Variants in SLC24A2 observed in about 807,000 individuals in gnomAD.
SLC24A2 encodes the protein sodium/potassium/calcium exchanger 2.
SLC24A2 carries 36 observed loss-of-function variants against 62.0 expected under a neutral mutation model. The observed-to-expected ratio is 0.58, with a 90% CI of 0.44 to 0.77. The LOEUF is 0.77. Ranked by LOEUF, SLC24A2 falls within the 30% of genes least tolerant of loss-of-function variation. The pLI is 0.00. For synonymous variants in SLC24A2, 358 were observed against 294.0 expected (o/e 1.22, Z -2.23); for missense variants, 846 against 817.9 (o/e 1.03, Z -0.42).
chr9:19,944,441 T>TA, the SLC24A2 span, among the ~76,000 whole-genome samples: 4,366 of 78,470 alleles, frequency 0.056, 99 homozygotes, highest in African/African-American at 0.085. Context: ...AAAGTAGTAG[T>TA]AAAAAAAAAA....
intron 7 of SLC24A2, among the ~76,000 whole-genome samples, chr9:19,551,640 C>A (rs1022218571): frequency 2.0e-5 from 3 of 152,190 alleles, no homozygotes; most frequent in African/African-American, 4.8e-5. Flanking sequence ...GGGGCTCTTG[C>A]TTCCAGCACC....
chr9:20,059,986 T>TA, the SLC24A2 span, among the ~76,000 whole-genome samples: 1 of 151,998 alleles, frequency 6.6e-6, no homozygotes, highest in African/African-American at 2.4e-5. Context: ...TTACTGACCT[T>TA]ACAGAAATAA....
chr9:19,737,606 T>C (rs1044352386), intron 2 of SLC24A2, among the ~76,000 whole-genome samples: 1 of 152,060 alleles, frequency 6.6e-6, no homozygotes, highest in South Asian at 2.1e-4. Context: ...TCAAGGTGTA[T>C]ACATTTTGAT....
intron 7 of SLC24A2, among the ~76,000 whole-genome samples, chr9:19,551,064 G>A (rs1011053000): frequency 3.6e-4 from 55 of 152,094 alleles, no homozygotes; most frequent in African/African-American, 1.3e-3. Flanking sequence ...GGAACATTAG[G>A]ACTGATTTCT....
chr9:19,975,751 T>C, the SLC24A2 span, among the ~76,000 whole-genome samples: 4 of 152,192 alleles, frequency 2.6e-5, no homozygotes, highest in African/African-American at 9.6e-5. Context: ...TTTTTCCATG[T>C]TCTGCTTTTG....
At chr9:20,102,724 G>A in the SLC24A2 span, among the ~76,000 whole-genome samples, 2 of 151,128 alleles carry the variant, frequency 1.3e-5, 1 homozygote, top group Non-Finnish European at 3.0e-5. Flanking sequence ...CAGCCAAGAT[G>A]GCCGAATAGG....
intron 2 of SLC24A2, among the ~76,000 whole-genome samples, chr9:19,756,132 C>A (rs867961559): frequency 2.1e-4 from 32 of 152,170 alleles, no homozygotes; most frequent in African/African-American, 7.0e-4. Flanking sequence ...CAATAACCTT[C>A]AAATTTGAGC....
At chr9:19,889,135 T>C in the SLC24A2 span, among the ~76,000 whole-genome samples, 1 of 152,190 alleles carries the variant, frequency 6.6e-6, no homozygotes, top group African/African-American at 2.4e-5. Flanking sequence ...CTGCTGCTTC[T>C]CTTCTACCAC....
chr9:19,562,125 T>G (rs1471931468), intron 7 of SLC24A2, among the ~76,000 whole-genome samples: 1 of 152,214 alleles, frequency 6.6e-6, no homozygotes, highest in Non-Finnish European at 1.5e-5. Context: ...TGAGACTGAT[T>G]TCTTTCCATA....
chr9:20,133,942 T>C, the SLC24A2 span, among the ~76,000 whole-genome samples: 2 of 152,164 alleles, frequency 1.3e-5, no homozygotes, highest in African/African-American at 4.8e-5. Context: ...TTTCCTGTTT[T>C]GACAGAGGGG....
chr9:19,584,895 A>C (rs1453877532), intron 5 of SLC24A2, among the ~76,000 whole-genome samples: 1 of 152,184 alleles, frequency 6.6e-6, no homozygotes, highest in Non-Finnish European at 1.5e-5. Flanking sequence ...TAAAAATTAA[A>C]TTACTCTGTA....
At chr9:19,799,812 T>C in the SLC24A2 span, among the ~76,000 whole-genome samples, 1 of 152,214 alleles carries the variant, frequency 6.6e-6, no homozygotes, top group Non-Finnish European at 1.5e-5. Context: ...CATCATACTC[T>C]GTTTTTTTAA....
intron 2 of SLC24A2, among the ~76,000 whole-genome samples, chr9:19,755,863 C>G (rs1423715768): frequency 1.3e-5 from 2 of 152,226 alleles, no homozygotes; most frequent in South Asian, 2.1e-4. Context: ...AGATACGGCA[C>G]TGATTTTACC....
chr9:19,594,389 A>G (rs1836645460), intron 5 of SLC24A2, among the ~76,000 whole-genome samples: 1 of 152,216 alleles, frequency 6.6e-6, no homozygotes, highest in Non-Finnish European at 1.5e-5. Context: ...CTCTATATTT[A>G]GAAATCATCT....
chr9:19,873,577 C>CT, the SLC24A2 span, among the ~76,000 whole-genome samples: 1 of 132,852 alleles, frequency 7.5e-6, no homozygotes, highest in African/African-American at 2.7e-5. Context: ...TCTCTCCTTT[C>CT]CTTTCCTTCC....
At chr9:20,143,152 T>C in the SLC24A2 span, among the ~76,000 whole-genome samples, 1 of 151,914 alleles carries the variant, frequency 6.6e-6, no homozygotes, top group Non-Finnish European at 1.5e-5. Flanking sequence ...AATAGTGAGG[T>C]GAGTGGAAGT....
the SLC24A2 span, among the ~76,000 whole-genome samples, chr9:19,916,270 A>G: frequency 6.6e-6 from 1 of 152,062 alleles, no homozygotes. Context: ...ATATATGTCT[A>G]TACTTATGCC....
chr9:19,850,957 ATATATATATGTATATATATATATATATG>A, the SLC24A2 span, among the ~76,000 whole-genome samples: 13 of 23,894 alleles, frequency 5.4e-4, 1 homozygote, highest in African/African-American at 9.8e-4. Context: ...ATATATATAT[ATATATATATGTATATATATATATATATG>A]TATATATATA....
chr9:19,541,207 G>C (rs865878140), intron 8 of SLC24A2, among the ~76,000 whole-genome samples: 1 of 141,928 alleles, frequency 7.0e-6, no homozygotes, highest in Admixed American at 7.1e-5. Flanking sequence ...CTCTCAGCTC[G>C]TCAAAATCAT....
Sources: gnomAD v4.1 joint callset for allele counts (sites outside exome capture counted in the v4.1 genomes callset) on GRCh38, gnomAD v4.1.1 for gene constraint, MANE v1.5 for transcripts, NCBI Gene and HGNC (gene_info 2026-07-23, HGNC 2026-07-21) for gene names.